CNTN4: variants seen among roughly 807,000 people sequenced by gnomAD.
The protein encoded by CNTN4 is contactin-4.
Under a neutral mutation model 122.5 loss-of-function variants are expected in CNTN4, and 77 were observed. The ratio of observed to expected loss-of-function variants is 0.63; its 90% CI spans 0.52 to 0.76. The LOEUF (loss-of-function observed/expected upper bound fraction) is 0.76, where lower values mean the gene tolerates loss of function less well. Ranked by LOEUF, CNTN4 falls within the 30% of genes least tolerant of loss-of-function variation. The pLI, the probability that CNTN4 is intolerant of heterozygous loss-of-function variation, is 0.00. For missense variants in CNTN4, 1,256 were observed against 1,259.1 expected, an observed-to-expected ratio of 1.00 and a Z score of 0.04; for synonymous variants, 512 against 447.0, an observed-to-expected ratio of 1.15 and a Z score of -1.83.
intron 3 of CNTN4, among the ~76,000 whole-genome samples, chr3:2,478,825 G>A (rs1007780358): frequency 6.6e-6 from 1 of 151,982 alleles, no homozygotes; most frequent in African/African-American, 2.4e-5. Context: ...TCTTTCTCTA[G>A]TCTGTCACTG....
chr3:2,503,667 A>G (rs2076656578), intron 3 of CNTN4, among the ~76,000 whole-genome samples: 1 of 152,126 alleles, frequency 6.6e-6, no homozygotes, highest in African/African-American at 2.4e-5. Flanking sequence ...ACTTTGACAG[A>G]GCTATCTCTA....
rs1432378653 is a variant in CNTN4 at position 2,783,554 on chromosome 3, C to T, written c.359-35932C>T. ...TAGTTAGAAACTAATTGTGTTTTTT[C>T]TCAGCAGGATTCAGGCTTTTTCTCA... On this transcript the variant is annotated intron_variant, in intron 6 of 24. Transcript: ENST00000418658. 5.9e-5 allele frequency among the ~76,000 whole-genome samples: 9 copies of T among 152,244 alleles called. 2 individuals are homozygous for T. Among genetic ancestry groups the T allele is most frequent in the Admixed American group, 5.2e-4 (8 of 15,300 alleles).
At chr3:2,643,089 C>A (rs1576323167) in intron 4 of CNTN4, among the ~76,000 whole-genome samples, 1 of 152,214 alleles carries the variant, frequency 6.6e-6, no homozygotes, top group Non-Finnish European at 1.5e-5. Context: ...TAAACTCTAT[C>A]ATCTCTATGG....
At chr3:2,406,809 GT>G (rs1370939523) in intron 3 of CNTN4, among the ~76,000 whole-genome samples, 1 of 152,070 alleles carries the variant, frequency 6.6e-6, no homozygotes, top group East Asian at 1.9e-4. Context: ...TATAAGTGTG[GT>G]TTTACCAGTT....
rs2091269741 is a variant in CNTN4 at position 2,775,272 on chromosome 3, T to C, written c.358+29575T>C. ...GCCAGTTCATTCTTATGAATCTGTT[T>C]TCAAGCCTCATCTCTTCTCCTCCCG... On this transcript the variant is annotated intron_variant, in intron 6 of 24. Coordinates refer to ENST00000418658, the MANE Select transcript of CNTN4 (RefSeq NM_175607.3). Among the ~76,000 whole-genome samples the C allele has an allele frequency of 3.3e-5, 5 of 152,276 alleles. No homozygotes were observed. The South Asian group carries it at 1.0e-3, about 32-fold the overall frequency.
At chr3:2,753,667 A>T (rs529598135) in intron 6 of CNTN4, among the ~76,000 whole-genome samples, 1 of 152,284 alleles carries the variant, frequency 6.6e-6, no homozygotes, top group South Asian at 2.1e-4. Context: ...AGTGAAATTT[A>T]TGTTCAATCC....
chr3:3,008,555 G>C (rs1326029678), intron 14 of CNTN4, among the ~76,000 whole-genome samples: 1 of 152,146 alleles, frequency 6.6e-6, no homozygotes, highest in African/African-American at 2.4e-5. Context: ...CTTCAATCGT[G>C]ATTTCACTAC....
rs375138087 is a variant in CNTN4, at chr3:2,117,260, T to C, written c.-145+16621T>C. On this transcript the variant is annotated intron_variant, in intron 2 of 24. Transcript: ENST00000418658. Reference sequence around the variant, plus strand: ...TTCTCACAGAGCTCAGGGAAACACGTTTACTGGTTTATTATAAAGGATGTT... The same window carrying C: ...TTCTCACAGAGCTCAGGGAAACACGCTTACTGGTTTATTATAAAGGATGTT... Among the ~76,000 whole-genome samples, 12 of 152,092 alleles carry C rather than the reference T, an allele frequency of 7.9e-5. No individual in the cohort carries two copies. The East Asian group carries it at 2.3e-3, about 29-fold the overall frequency.
At position 2,710,610 on chromosome 3, in the gene CNTN4, G is replaced by A. The variant is rs188099858; in HGVS notation, c.56-25605G>A. On this transcript the variant is annotated intron_variant, in intron 4 of 24. Transcript: ENST00000418658. ...TAATATGGAGAAAGTGTCCAATCTT[G>A]TGGTCTGTCTTCAACTAATTTTAGA... Among the ~76,000 whole-genome samples, 645 of 152,198 alleles carry A rather than the reference G, an allele frequency of 4.2e-3. 5 individuals carry two copies. Among genetic ancestry groups the A allele is most frequent in the Non-Finnish European group, 5.2e-3 (356 of 68,014 alleles).
intron 2 of CNTN4, among the ~76,000 whole-genome samples, chr3:2,207,260 G>T (rs2038402752): frequency 6.6e-6 from 1 of 151,966 alleles, no homozygotes; most frequent in Non-Finnish European, 1.5e-5. Flanking sequence ...CCCTCCAATG[G>T]CCTTGAAGTG....
At chr3:2,523,621 C>A (rs2077299697) in intron 3 of CNTN4, among the ~76,000 whole-genome samples, 1 of 151,936 alleles carries the variant, frequency 6.6e-6, no homozygotes, top group Non-Finnish European at 1.5e-5. Flanking sequence ...AAAAAGGTTA[C>A]CCTCTGTAAG....
intron 2 of CNTN4, among the ~76,000 whole-genome samples, chr3:2,110,162 G>C (rs950515681): frequency 5.9e-5 from 9 of 152,194 alleles, no homozygotes; most frequent in Non-Finnish European, 1.0e-4. Flanking sequence ...ATGGGCCTTG[G>C]AATCAGACAG....
intron 4 of CNTN4, among the ~76,000 whole-genome samples, chr3:2,585,992 A>G (rs1474222006): frequency 6.6e-6 from 1 of 152,154 alleles, no homozygotes; most frequent in Non-Finnish European, 1.5e-5. Context: ...ATGCTTAAAC[A>G]AGATAATTAC....
chr3:2,410,177 T>C (rs1185571075), intron 3 of CNTN4, among the ~76,000 whole-genome samples: 2 of 152,238 alleles, frequency 1.3e-5, no homozygotes, highest in Admixed American at 1.3e-4. Flanking sequence ...TAAAGTGTTA[T>C]CTTGGCCAAT....
chr3:2,428,818 T>A (rs943934972), intron 3 of CNTN4, among the ~76,000 whole-genome samples: 1 of 152,226 alleles, frequency 6.6e-6, no homozygotes, highest in Non-Finnish European at 1.5e-5. Context: ...TTCATTTCAT[T>A]CATCTGATCT....
At chr3:2,132,465 G>T (rs150814047) in intron 2 of CNTN4, 1 of 152,138 alleles carries the variant, frequency 6.6e-6, no homozygotes, top group Admixed American at 6.5e-5. Flanking sequence ...GAAGAAGAGA[G>T]ATAATGTGTT....
intron 2 of CNTN4, among the ~76,000 whole-genome samples, chr3:2,180,544 C>T (rs991563467): frequency 1.3e-5 from 2 of 152,016 alleles, no homozygotes; most frequent in African/African-American, 4.8e-5. Context: ...GTGTAAAAGG[C>T]TTGACTGCAA....
intron 2 of CNTN4, among the ~76,000 whole-genome samples, chr3:2,160,618 A>G (rs2035922307): frequency 1.3e-5 from 2 of 152,184 alleles, no homozygotes; most frequent in Non-Finnish European, 2.9e-5. Context: ...TGCATCTCTC[A>G]TAATCATCAC....
chr3:2,193,249 A>T (rs563763411), intron 2 of CNTN4, among the ~76,000 whole-genome samples: 1 of 152,090 alleles, frequency 6.6e-6, no homozygotes, highest in African/African-American at 2.4e-5. Context: ...ATATCCTAGC[A>T]TCTATGGCAT....
Sources: gnomAD v4.1 joint callset for allele counts (sites outside exome capture counted in the v4.1 genomes callset) on GRCh38, gnomAD v4.1.1 for gene constraint, MANE v1.5 for transcripts, NCBI Gene and HGNC (gene_info 2026-07-23, HGNC 2026-07-21) for gene names.